The following CES1 variants were observed in gnomAD, a reference collection of about 807,000 sequenced individuals.
The protein encoded by CES1 is carboxylesterase 1.
CES1 carries 50 observed loss-of-function variants against 53.0 expected under a neutral mutation model. The observed-to-expected ratio is 0.94, with a 90% CI of 0.75 to 1.19. The LOEUF (loss-of-function observed/expected upper bound fraction) is 1.19. Among genes scored for constraint, CES1 ranks in the 50% most tolerant of loss-of-function variants. The pLI, the probability that CES1 is intolerant of heterozygous loss-of-function variation, is 0.00. For missense variants in CES1, 534 were observed against 538.0 expected, an observed-to-expected ratio of 0.99 and a Z score of 0.07; for synonymous variants, 202 against 210.1, an observed-to-expected ratio of 0.96 and a Z score of 0.33.
chr16:55,829,108 T>G (rs1221642240), intron 1 of CES1, 134 bp from the exon 2 acceptor site: 3 of 944,010 alleles, frequency 3.2e-6, no homozygotes, highest in Admixed American at 4.0e-5. Context: ...TTTCTCTTGA[T>G]GTACAATAGG....
At chr16:55,818,431 T>C (rs1368579834) in intron 7 of CES1, among the ~76,000 whole-genome samples, 1 of 152,232 alleles carries the variant, frequency 6.6e-6, no homozygotes, top group Non-Finnish European at 1.5e-5. Context: ...AAAATTTATC[T>C]GTCTTTGTTA....
rs770895591 is a variant in CES1, at chr16:55,810,604, T to G, written c.1231A>C (p.Thr411Pro). The G allele has an allele frequency of 1.2e-6, 2 of 1,614,132 alleles. No homozygotes were observed. The highest frequency in any genetic ancestry group is 1.7e-6 in the Non-Finnish European group (2 of 1,179,976). Residue 411 changes from threonine (T) to proline (P), a missense_variant, in exon 11 of 14, where the codon ACT becomes CCT. Thr to Pro is a conservative substitution (Grantham distance 38). Around this residue, in one of 5 missense-constraint regions of CES1, gnomAD observed 269 missense variants for 206.6 expected, o/e 1.30. Transcript: ENST00000360526. ...AGGAACAGGTCTTTCTTTTTGACAG[T>G]GTCGTCTGTTCCTCCTAAGTATTTC... is the stretch of plus-strand genomic sequence containing the variant. The part of the protein sequence containing the change: ...TEKYLGGTDD[T>P]VKKKDLFLDL...
intron 2 of CES1, among the ~76,000 whole-genome samples, chr16:55,827,271 G>GAATAAC (rs1555513621): frequency 1.7e-5 from 1 of 60,480 alleles, no homozygotes; most frequent in Non-Finnish European, 3.6e-5. Context: ...AGTGCAAGAG[G>GAATAAC]AATAACAATA....
chr16:55,810,059 G>A (rs528674571), intron 11 of CES1, among the ~76,000 whole-genome samples: 119 of 152,274 alleles, frequency 7.8e-4, no homozygotes, highest in African/African-American at 2.8e-3. Context: ...CGAAGTCACA[G>A]GGAATAAACA....
chr16:55,815,829 T>A (rs533849337), intron 8 of CES1, among the ~76,000 whole-genome samples: 1 of 152,360 alleles, frequency 6.6e-6, no homozygotes, highest in South Asian at 2.1e-4. Context: ...TCTAAGATCA[T>A]GTGACTCCTC....
chr16:55,810,757 A>C (rs1344126727), intron 10 of CES1, 93 bp from the exon 11 acceptor site: 13 of 1,524,230 alleles, frequency 8.5e-6, no homozygotes, highest in Admixed American at 6.7e-5. Context: ...TGAACCCCAT[A>C]AGCCCTGTGC....
intron 7 of CES1, among the ~76,000 whole-genome samples, chr16:55,817,511 C>A (rs149072396): frequency 6.6e-6 from 1 of 152,228 alleles, no homozygotes; most frequent in South Asian, 2.1e-4. Context: ...TCTCATCCTA[C>A]CCCATGCTTC....
Position 55,819,675 on chromosome 16 carries a change from C to T in CES1, c.802-36G>A, listed in dbSNP as rs190736683. 45 of 1,515,546 alleles carry T rather than the reference C, an allele frequency of 3.0e-5. No homozygotes were observed. The Middle Eastern group carries it at 8.5e-4, about 28-fold the overall frequency. 93.9% of individuals were successfully genotyped at this position (1,515,546 alleles called of 1,614,324 possible). A position where few individuals can be genotyped will look rare whatever the true frequency, so the allele number is the denominator to read the frequency against. On this transcript the variant is annotated intron_variant, in intron 6 of 13. Coordinates refer to ENST00000360526, the MANE Select transcript of CES1 (RefSeq NM_001025195.2). ...CACAGGCAACAACAGAGTTCAAGAG[C>T]GACATCCCTTCCCTCCATCAAAGAG... is the stretch of plus-strand genomic sequence containing the variant.
At chr16:55,819,921 GT>G in intron 6 of CES1, 1 of 578,298 alleles carries the variant, frequency 1.7e-6, no homozygotes, top group Non-Finnish European at 3.1e-6. Context: ...GAAATGTGAG[GT>G]GGAGCTGGGA....
At chr16:55,820,579 C>G (rs1250838332) in intron 5 of CES1, 100 bp from the exon 6 acceptor site, 32 of 1,583,522 alleles carry the variant, frequency 2.0e-5, no homozygotes, top group Non-Finnish European at 2.6e-5. Flanking sequence ...AAAACCAACA[C>G]GGGACTGAGG....
In CES1 at chr16:55,810,526, T is replaced by C. The variant is rs773438761; in HGVS notation, c.1309A>G (p.Asn437Asp). The change falls in exon 11 of 14, where the codon AAC (asparagine) becomes GAC (aspartate). Residue 437 changes from asparagine to aspartate, a missense_variant. Asn to Asp is a conservative substitution (Grantham distance 23, BLOSUM62 1). Around this residue, in one of 5 missense-constraint regions of CES1, gnomAD observed 269 missense variants for 206.6 expected, o/e 1.30. Coordinates refer to ENST00000360526, the MANE Select transcript of CES1 (RefSeq NM_001025195.2). ...FGVPSVIVAR[N>D]HRDAGAPTYM... is the part of the protein sequence containing the mutation. ...GACCTCTGGGACTCACCTCTGTGGT[T>C]CCGGGCCACAATCACAGATGGGACA... is the stretch of plus-strand genomic sequence containing the variant. 1 of 1,614,128 alleles carries C rather than the reference T, an allele frequency of 6.2e-7. No individual in the cohort carries two copies.
intron 1 of CES1, 123 bp downstream of exon 1, chr16:55,832,881 A>G: frequency 1.1e-6 from 1 of 940,910 alleles, no homozygotes; most frequent in Non-Finnish European, 1.7e-6. Flanking sequence ...CCTAATATGG[A>G]AGTCGTGCCC....
chr16:55,809,213 G>T (rs1375067143), intron 11 of CES1, among the ~76,000 whole-genome samples: 12 of 151,134 alleles, frequency 7.9e-5, no homozygotes, highest in African/African-American at 2.9e-4. Context: ...TAGTTCAGAC[G>T]CAGAGCATAG....
chr16:55,812,412 C>G (rs189527394), intron 9 of CES1: 1 of 226,076 alleles, frequency 4.4e-6, no homozygotes, highest in Admixed American at 5.1e-5. Flanking sequence ...TCTTAGTAGA[C>G]GCTGATGTCT....
At chr16:55,825,868 G>C (rs188703499) in intron 3 of CES1, among the ~76,000 whole-genome samples, 8 of 152,316 alleles carry the variant, frequency 5.3e-5, no homozygotes, top group Non-Finnish European at 7.3e-5. Context: ...TTTTAATCTA[G>C]TAACTAAAAG....
chr16:55,809,556 G>C (rs559365087), intron 11 of CES1, among the ~76,000 whole-genome samples: 1 of 152,182 alleles, frequency 6.6e-6, no homozygotes, highest in Non-Finnish European at 1.5e-5. Context: ...CATCCCTAAC[G>C]TCATGCCCCA....
At chr16:55,830,463 A>C (rs2032592964) in intron 1 of CES1, among the ~76,000 whole-genome samples, 1 of 152,170 alleles carries the variant, frequency 6.6e-6, no homozygotes, top group African/African-American at 2.4e-5. Flanking sequence ...ATTTTAAATA[A>C]AAAAAGAAAA....
intron 11 of CES1, among the ~76,000 whole-genome samples, chr16:55,808,544 G>A (rs1215719645): frequency 6.6e-6 from 1 of 152,216 alleles, no homozygotes; most frequent in Non-Finnish European, 1.5e-5. Flanking sequence ...ACATTCTTAT[G>A]CAGTGGAATG....
chr16:55,821,063 GGAGAGAGAGAAAGA>G (rs1300983752), intron 5 of CES1, among the ~76,000 whole-genome samples: 5 of 104,490 alleles, frequency 4.8e-5, no homozygotes, highest in African/African-American at 1.6e-4. Context: ...TGAGTGTGAA[GGAGAGAGAGAAAGA>G]GAGAGAGAGA....
Sources: allele counts gnomAD v4.1 joint callset (sites outside exome capture counted in the v4.1 genomes callset), GRCh38; gene constraint gnomAD v4.1.1; regional missense constraint gnomAD v4.1.1; transcripts MANE v1.5; gene names NCBI Gene and HGNC (gene_info 2026-07-23, HGNC 2026-07-21).